The following MTA3 variants were observed in gnomAD, a reference collection of about 807,000 sequenced individuals.
MTA3 encodes the protein metastasis-associated protein MTA3.
Under a neutral mutation model 83.5 loss-of-function variants are expected in MTA3, and 34 were observed. The ratio of observed to expected loss-of-function variants is 0.41; its 90% CI spans 0.31 to 0.54. The LOEUF (loss-of-function observed/expected upper bound fraction) is 0.54, where lower values mean the gene tolerates loss of function less well. Among genes scored for constraint, MTA3 ranks in the 20% least tolerant of loss-of-function variants. The pLI is 0.33. For missense variants in MTA3, 761 were observed against 726.4 expected, an observed-to-expected ratio of 1.05 and a Z score of -0.55; for synonymous variants, 303 against 252.7, an observed-to-expected ratio of 1.20 and a Z score of -1.89.
rs116796469 is a variant in MTA3 at position 42,709,722 on chromosome 2, T to A, written c.1525+626T>A. On this transcript the variant is annotated intron_variant, in intron 14 of 16. Transcript: ENST00000405094. ...TGGGTGAGTTTTCTGAAATTACACA[T>A]TGCATTTTCATAAGCTAGCATCTAA... Among the ~76,000 whole-genome samples the A allele has an allele frequency of 2.3e-3, 354 of 152,304 alleles. 2 individuals carry two copies. The highest frequency in any genetic ancestry group is 8.1e-3 in the African/African-American group (337 of 41,562).
chr2:42,518,094 T>C (rs1394540792), intron 2 of MTA3, among the ~76,000 whole-genome samples: 1 of 151,734 alleles, frequency 6.6e-6, no homozygotes, highest in Non-Finnish European at 1.5e-5. Context: ...GGCAGGAGAA[T>C]CGCTTGAACC....
chr2:42,574,931 A>G (rs1678886071), intron 2 of MTA3, among the ~76,000 whole-genome samples: 1 of 152,184 alleles, frequency 6.6e-6, no homozygotes, highest in South Asian at 2.1e-4. Context: ...GTGGATGGGA[A>G]CTGTTGGCAT....
chr2:42,628,367 AT>A (rs1686334326), intron 4 of MTA3, among the ~76,000 whole-genome samples: 2 of 152,002 alleles, frequency 1.3e-5, no homozygotes, highest in East Asian at 1.9e-4. Flanking sequence ...AGTAGCTGGG[AT>A]TACAGGCGCC....
At chr2:42,661,506 CAAAAAA>C (rs1296698587) in intron 8 of MTA3, among the ~76,000 whole-genome samples, 1 of 27,214 alleles carries the variant, frequency 3.7e-5, no homozygotes, top group Non-Finnish European at 6.1e-5. Context: ...GACCCTGTCT[CAAAAAA>C]AAAAAAAAAA....
At chr2:42,517,818 G>A (rs1452951398) in intron 2 of MTA3, among the ~76,000 whole-genome samples, 3 of 149,620 alleles carry the variant, frequency 2.0e-5, no homozygotes, top group Admixed American at 6.7e-5. Context: ...GTCAGAGGTT[G>A]CAGTGAGCTG....
In MTA3 at chr2:42,642,690, G is replaced by A. The variant is rs573849612; in HGVS notation, c.382-1437G>A. Among the ~76,000 whole-genome samples, 3 of 150,376 alleles carry A rather than the reference G, an allele frequency of 2.0e-5. No individual in the cohort carries two copies. The South Asian group carries it at 6.3e-4, about 32-fold the overall frequency. On this transcript the variant is annotated intron_variant, in intron 5 of 16. Transcript: ENST00000405094. ...ATGAAGTCTCACTCTTGTCCCCCAG[G>A]CTGGAGTGCAATGGTGCAATCTTGG...
chr2:42,639,501 G>A (rs886208359), intron 4 of MTA3, among the ~76,000 whole-genome samples: 39 of 152,088 alleles, frequency 2.6e-4, no homozygotes, highest in African/African-American at 8.9e-4. Flanking sequence ...TTTTCTCAGA[G>A]TCTAGACAAG....
intron 16 of MTA3, among the ~76,000 whole-genome samples, chr2:42,748,931 T>G (rs1343408601): frequency 2.6e-5 from 4 of 152,228 alleles, no homozygotes; most frequent in Non-Finnish European, 5.9e-5. Context: ...AATTTTGCCC[T>G]TAGTCCGATG....
intron 16 of MTA3, among the ~76,000 whole-genome samples, chr2:42,742,495 A>G (rs1669109155): frequency 6.6e-6 from 1 of 152,152 alleles, no homozygotes; most frequent in Non-Finnish European, 1.5e-5. Flanking sequence ...TCATCTGCCG[A>G]TATACCAAAT....
At chr2:42,606,429 G>A (rs1192752263) in intron 3 of MTA3, among the ~76,000 whole-genome samples, 1 of 149,492 alleles carries the variant, frequency 6.7e-6, no homozygotes, top group Non-Finnish European at 1.5e-5. Flanking sequence ...ACGGGGCGGC[G>A]GGGCAGAGGC....
Position 42,719,092 on chromosome 2 carries a change from G to A in MTA3, c.1612+18G>A. 1 of 1,520,926 alleles carries A rather than the reference G, an allele frequency of 6.6e-7. No homozygotes were observed. The highest frequency in any genetic ancestry group is 8.9e-7 in the Non-Finnish European group (1 of 1,120,150). 94.2% of individuals were successfully genotyped at this position (1,520,926 alleles called of 1,614,324 possible). A position where few individuals can be genotyped will look rare whatever the true frequency, so the allele number is the denominator to read the frequency against. On this transcript the variant is annotated intron_variant, in intron 15 of 16. Coordinates refer to ENST00000405094, the MANE Select transcript of MTA3 (RefSeq NM_001330442.2). ...GTATTTAGGTGGGTATTTTCTAATA[G>A]AGGAAAAACTCAAAGAGCAATTTCT...
chr2:42,621,449 T>A (rs1685533024), intron 4 of MTA3, among the ~76,000 whole-genome samples: 2 of 152,128 alleles, frequency 1.3e-5, no homozygotes, highest in African/African-American at 4.8e-5. Flanking sequence ...GGGTTGGGAG[T>A]AAGGTCATAG....
At chr2:42,626,862 T>C (rs1268499564) in intron 4 of MTA3, among the ~76,000 whole-genome samples, 1 of 151,948 alleles carries the variant, frequency 6.6e-6, no homozygotes, top group Non-Finnish European at 1.5e-5. Flanking sequence ...TGCCTCAGCC[T>C]CCCAAGTAGT....
At chr2:42,624,746 A>G (rs1184456372) in intron 4 of MTA3, among the ~76,000 whole-genome samples, 1 of 152,240 alleles carries the variant, frequency 6.6e-6, no homozygotes, top group Non-Finnish European at 1.5e-5. Context: ...TTCATAATTT[A>G]ATAGTAGACA....
At chr2:42,695,647 A>AAG (rs1553387123) in intron 9 of MTA3, 118 bp from the exon 10 acceptor site, 2 of 438,258 alleles carry the variant, frequency 4.6e-6, no homozygotes, top group African/African-American at 4.4e-5. Flanking sequence ...AAAAAAAAAA[A>AAG]AAAAAAAAAA....
chr2:42,500,818 T>C (rs576146874), intron 2 of MTA3, among the ~76,000 whole-genome samples: 2 of 151,238 alleles, frequency 1.3e-5, no homozygotes, highest in African/African-American at 4.8e-5. Flanking sequence ...AAGCTTTTTT[T>C]TTTTTTTTTT....
intron 3 of MTA3, among the ~76,000 whole-genome samples, chr2:42,606,188 G>A (rs1330278522): frequency 1.8e-5 from 1 of 56,534 alleles, no homozygotes; most frequent in Non-Finnish European, 3.1e-5. Context: ...GGCTGGCCGG[G>A]CGGGGGGCTG....
chr2:42,524,998 T>C (rs1267999171), intron 2 of MTA3, among the ~76,000 whole-genome samples: 1 of 150,776 alleles, frequency 6.6e-6, no homozygotes, highest in African/African-American at 2.4e-5. Context: ...AGGGTACATG[T>C]GCACAACGTG....
chr2:42,527,097 G>A (rs993956951), intron 2 of MTA3, among the ~76,000 whole-genome samples: 1 of 148,504 alleles, frequency 6.7e-6, no homozygotes, highest in Non-Finnish European at 1.5e-5. Flanking sequence ...AGCCATTTGC[G>A]GACTAGAGGT....
Sources: allele counts gnomAD v4.1 joint callset (sites outside exome capture counted in the v4.1 genomes callset), GRCh38; gene constraint gnomAD v4.1.1; transcripts MANE v1.5; gene names NCBI Gene and HGNC (gene_info 2026-07-23, HGNC 2026-07-21).